KCNS3: variants seen among roughly 807,000 people sequenced by gnomAD.
KCNS3 encodes the protein delayed-rectifier potassium channel regulatory subunit KCNS3.
Under a neutral mutation model 31.0 loss-of-function variants are expected in KCNS3, and 13 were observed. The ratio of observed to expected loss-of-function variants is 0.42; its 90% CI spans 0.27 to 0.67. KCNS3 has a LOEUF of 0.67. Ranked by LOEUF, KCNS3 falls within the 30% of genes least tolerant of loss-of-function variation. The pLI, the probability that KCNS3 is intolerant of heterozygous loss-of-function variation, is 0.25. For missense variants in KCNS3, 545 were observed against 622.4 expected (o/e 0.88, Z 1.32); for synonymous variants, 238 against 241.5 (o/e 0.99, Z 0.13).
intron 1 of KCNS3, among the ~76,000 whole-genome samples, chr2:17,906,365 G>C (rs1232183049): frequency 1.3e-5 from 2 of 151,874 alleles, no homozygotes; most frequent in African/African-American, 4.8e-5. Flanking sequence ...TTCTTTATTA[G>C]TCTTGCTAGC....
At chr2:17,896,921 T>C (rs1205866257) in intron 1 of KCNS3, among the ~76,000 whole-genome samples, 2 of 152,146 alleles carry the variant, frequency 1.3e-5, no homozygotes, top group Non-Finnish European at 2.9e-5. Context: ...TCAGGGAGTA[T>C]GTGTGCAGGT....
At chr2:17,905,367 T>G (rs993862951) in intron 1 of KCNS3, among the ~76,000 whole-genome samples, 1 of 152,136 alleles carries the variant, frequency 6.6e-6, no homozygotes, top group African/African-American at 2.4e-5. Flanking sequence ...TGGGCTGAGA[T>G]GATGGGGTTT....
chr2:17,912,688 G>A (rs1192682085), intron 1 of KCNS3, among the ~76,000 whole-genome samples: 8 of 152,244 alleles, frequency 5.3e-5, no homozygotes, highest in Non-Finnish European at 1.5e-5. Context: ...CAGGAGGAAA[G>A]GAAGGTGGTA....
chr2:17,928,643 A>G (rs1176119350), intron 2 of KCNS3, among the ~76,000 whole-genome samples: 1 of 147,288 alleles, frequency 6.8e-6, no homozygotes, highest in Non-Finnish European at 1.5e-5. Flanking sequence ...CCATTTGTTT[A>G]TTTGCATGTT....
At chr2:17,904,867 G>C (rs941008743) in intron 1 of KCNS3, among the ~76,000 whole-genome samples, 7 of 152,146 alleles carry the variant, frequency 4.6e-5, no homozygotes, top group African/African-American at 1.7e-4. Context: ...CTGTAGCCTT[G>C]TAGTATAGTT....
intron 1 of KCNS3, among the ~76,000 whole-genome samples, chr2:17,887,492 T>G (rs1237878420): frequency 2.7e-5 from 4 of 148,136 alleles, no homozygotes; most frequent in African/African-American, 7.4e-5. Flanking sequence ...ATGATCTATC[T>G]ATCTATCTAT....
chr2:17,904,961 A>G (rs1322711103), intron 1 of KCNS3, among the ~76,000 whole-genome samples: 1 of 152,146 alleles, frequency 6.6e-6, no homozygotes, highest in African/African-American at 2.4e-5. Context: ...TTGGTTCCAT[A>G]TGAACTTTAA....
At chr2:17,907,622 G>A (rs1371663124) in intron 1 of KCNS3, among the ~76,000 whole-genome samples, 2 of 152,108 alleles carry the variant, frequency 1.3e-5, no homozygotes, top group East Asian at 3.9e-4. Context: ...CATGTTTAGT[G>A]CTTCCTTCAG....
Position 17,932,842 on chromosome 2 carries a change from A to C in KCNS3, c.*358A>C. The C allele has an allele frequency of 5.1e-6, 1 of 197,442 alleles. No homozygotes were observed. The highest frequency in any genetic ancestry group is 5.7e-5 in the Admixed American group (1 of 17,698). The allele number at this position is 197,442 out of a possible 1,614,324, so 12.2% of individuals were successfully genotyped here. The stretch of plus-strand genomic sequence containing the variant: ...TACTGACAAGTAGAATCAAAGGTGC[A>C]GCTGACTGAGACGACATGCATGTAA... On this transcript the variant is annotated 3_prime_UTR_variant, in exon 3 of 3. Transcript: ENST00000304101.
intron 1 of KCNS3, among the ~76,000 whole-genome samples, chr2:17,906,959 T>C (rs1019070641): frequency 6.6e-6 from 1 of 152,228 alleles, no homozygotes; most frequent in Non-Finnish European, 1.5e-5. Flanking sequence ...TAGAGTGCTG[T>C]AGATGTCTAT....
chr2:17,912,728 T>C (rs528776969), intron 1 of KCNS3, among the ~76,000 whole-genome samples: 1 of 152,354 alleles, frequency 6.6e-6, no homozygotes, highest in African/African-American at 2.4e-5. Flanking sequence ...AGTCTTGGGA[T>C]TCCTGCAGTT....
chr2:17,884,987 T>C (rs891824419), intron 1 of KCNS3, among the ~76,000 whole-genome samples: 1 of 144,332 alleles, frequency 6.9e-6, no homozygotes, highest in East Asian at 2.2e-4. Context: ...TTTTTAAAAA[T>C]GCAGTCTTCC....
chr2:17,929,846 T>C (rs945446815), intron 2 of KCNS3, among the ~76,000 whole-genome samples: 2 of 152,226 alleles, frequency 1.3e-5, no homozygotes, highest in African/African-American at 2.4e-5. Flanking sequence ...TTACCTATTA[T>C]GTACCTAGAG....
intron 2 of KCNS3, among the ~76,000 whole-genome samples, chr2:17,920,244 A>G (rs1662680192): frequency 6.6e-6 from 1 of 152,238 alleles, no homozygotes. Flanking sequence ...TATGAAATTG[A>G]TACCAAAAAG....
chr2:17,890,788 G>A (rs1487262979), intron 1 of KCNS3, among the ~76,000 whole-genome samples: 2 of 152,148 alleles, frequency 1.3e-5, no homozygotes, highest in Non-Finnish European at 2.9e-5. Context: ...TGGTTTGAGA[G>A]AGTGCTTCAC....
intron 1 of KCNS3, among the ~76,000 whole-genome samples, chr2:17,916,063 C>G (rs1039268648): frequency 6.6e-6 from 1 of 152,208 alleles, no homozygotes; most frequent in African/African-American, 2.4e-5. Flanking sequence ...GTGCAATGAA[C>G]TTTAGGCGGT....
intron 1 of KCNS3, among the ~76,000 whole-genome samples, chr2:17,911,012 G>A (rs1319250413): frequency 1.3e-5 from 2 of 152,128 alleles, no homozygotes; most frequent in Non-Finnish European, 2.9e-5. Context: ...TTGGAGAAGA[G>A]CCTTCTTACC....
intron 1 of KCNS3, among the ~76,000 whole-genome samples, chr2:17,887,522 T>TCTATCTATCTAC (rs1661696697): frequency 1.3e-5 from 2 of 151,786 alleles, no homozygotes; most frequent in Non-Finnish European, 2.9e-5. Context: ...TATCTATCTA[T>TCTATCTATCTAC]CTATCTATCT....
intron 1 of KCNS3, among the ~76,000 whole-genome samples, chr2:17,914,142 TG>T (rs1224704063): frequency 1.3e-5 from 2 of 152,186 alleles, no homozygotes; most frequent in Non-Finnish European, 2.9e-5. Context: ...CTGATCAAAC[TG>T]TAGGAGGTTG....
Sources: gnomAD v4.1 joint callset for allele counts (sites outside exome capture counted in the v4.1 genomes callset) on GRCh38, gnomAD v4.1.1 for gene constraint, MANE v1.5 for transcripts, NCBI Gene and HGNC (gene_info 2026-07-23, HGNC 2026-07-21) for gene names.